The following G3BP2 variants were observed in gnomAD, a reference collection of about 807,000 sequenced individuals.
The protein encoded by G3BP2 is ras GTPase-activating protein-binding protein 2.
Under a neutral mutation model 56.7 loss-of-function variants are expected in G3BP2, and 11 were observed. That is an observed-to-expected ratio of 0.19 (90% CI 0.12 to 0.32). The LOEUF (loss-of-function observed/expected upper bound fraction) is 0.32, where lower values mean the gene tolerates loss of function less well. Among genes scored for constraint, G3BP2 ranks in the 10% least tolerant of loss-of-function variants. The probability of loss-of-function intolerance (pLI) is 1.00; values close to 1 mark genes in which losing one functional copy is unlikely to be tolerated. For missense variants in G3BP2, 340 were observed against 610.9 expected (o/e 0.56, Z 4.67); for synonymous variants, 165 against 191.6 (o/e 0.86, Z 1.15).
At chr4:75,655,025 A>G in intron 7 of G3BP2, 41 bp downstream of exon 7, 2 of 1,370,636 alleles carry the variant, frequency 1.5e-6, no homozygotes, top group Non-Finnish European at 2.0e-6. Context: ...ACCAAATTTG[A>G]ACATGTGATG....
At chr4:75,697,942 A>AAAC (rs1327021450) in intron 3 of G3BP2, among the ~76,000 whole-genome samples, 1 of 151,822 alleles carries the variant, frequency 6.6e-6, no homozygotes, top group Non-Finnish European at 1.5e-5. Context: ...TCAAACAAAC[A>AAAC]AACAAAAAAC....
chr4:75,653,394 T>C (rs1253249518), intron 8 of G3BP2, among the ~76,000 whole-genome samples: 2 of 152,112 alleles, frequency 1.3e-5, no homozygotes, highest in Non-Finnish European at 2.9e-5. Flanking sequence ...CAGTGTCTTA[T>C]TTTCACATTT....
At chr4:75,684,127 C>T (rs1384335149) in intron 3 of G3BP2, among the ~76,000 whole-genome samples, 1 of 152,038 alleles carries the variant, frequency 6.6e-6, no homozygotes. Flanking sequence ...ATAAATAGGC[C>T]GGGTGCGGTG....
chr4:75,708,694 G>C (rs573861318), intron 3 of G3BP2, among the ~76,000 whole-genome samples: 1 of 152,326 alleles, frequency 6.6e-6, no homozygotes, highest in East Asian at 1.9e-4. Context: ...GTTTGGGCTG[G>C]GCATGGTGGC....
chr4:75,720,269 C>T lies in G3BP2; in HGVS notation c.-25+608G>A, dbSNP rs1239928900. 2.0e-5 allele frequency among the ~76,000 whole-genome samples: 3 copies of T among 149,144 alleles called. No homozygotes were observed. The East Asian group carries it at 6.1e-4, about 30-fold the overall frequency. On this transcript the variant is annotated intron_variant, in intron 3 of 3. Transcript: ENST00000499709. ...GTGGCTCATGCCTGTAATCCCAGCA[C>T]TCTGGGAGGCCGAGGCGGGCGGATC...
chr4:75,669,637 T>C (rs569380543), intron 1 of G3BP2, among the ~76,000 whole-genome samples: 34 of 152,346 alleles, frequency 2.2e-4, no homozygotes, highest in African/African-American at 7.9e-4. Context: ...TCAAATTCTA[T>C]ACAAATATTT....
At chr4:75,715,302 GA>G (rs5859472) in intron 3 of G3BP2, among the ~76,000 whole-genome samples, 4 of 151,318 alleles carry the variant, frequency 2.6e-5, no homozygotes, top group East Asian at 1.9e-4. Context: ...AGTACTGAAG[GA>G]AAAAAAAACT....
chr4:75,674,718 AT>A (rs71203842), upstream of G3BP2, among the ~76,000 whole-genome samples: 1,165 of 71,208 alleles, frequency 0.016, 9 homozygotes, highest in Middle Eastern at 0.048. Context: ...ATATATATAT[AT>A]TTTTTTTTTT....
rs192494688 is a variant in G3BP2, at chr4:75,656,067, T to G, written c.443-197A>C. The stretch of plus-strand genomic sequence containing the variant: ...GTGCAGTGGTGTGATCTTGGCTCAC[T>G]GCAACCTCCGCCTTCTGGGTTCAAA... On this transcript the variant is annotated intron_variant, in intron 5 of 11. Transcript: ENST00000359707. 6.3e-4 allele frequency among the ~76,000 whole-genome samples: 95 copies of G among 151,692 alleles called. 1 individual carries two copies. The Middle Eastern group carries it at 0.024, about 38-fold the overall frequency.
At chr4:75,714,392 C>T (rs572662244) in intron 3 of G3BP2, among the ~76,000 whole-genome samples, 3 of 152,234 alleles carry the variant, frequency 2.0e-5, no homozygotes, top group East Asian at 1.9e-4. Flanking sequence ...TTTGGAAGGC[C>T]GGGGCGGGCA....
In G3BP2 at chr4:75,655,863, T is replaced by A. The variant is rs772089002; in HGVS notation, c.450A>T (p.Glu150Asp). ...DSEPELDEES[E>D]DEVEEEQEER... ...CTTCTTGTTCCTCTTCTACTTCATC[T>A]TCTGATTCTGAAAATACATAATACA... Residue 150 changes from glutamate (E) to aspartate (D), a missense_variant, in exon 6 of 12, where the codon GAA becomes GAT. Coordinates refer to ENST00000359707, the MANE Select transcript of G3BP2 (RefSeq NM_203505.3). 4.6e-5 allele frequency: 70 copies of A among 1,516,436 alleles called. No homozygotes were observed. Among genetic ancestry groups the A allele is most frequent in the African/African-American group, 1.1e-4 (8 of 73,024 alleles). The allele number at this position is 1,516,436 out of a possible 1,614,324, so 93.9% of individuals were successfully genotyped here. A position where few individuals can be genotyped will look rare whatever the true frequency, so the allele number is the denominator to read the frequency against.
Position 75,662,880 on chromosome 4 carries a change from G to C in G3BP2, c.-24-831C>G, listed in dbSNP as rs77045674. On this transcript the variant is annotated intron_variant, in intron 1 of 11. Coordinates refer to ENST00000359707, the MANE Select transcript of G3BP2 (RefSeq NM_203505.3). ...CAGAGGGCCCAAGTTAAGACTCAGAGATAACACTCATGGCAAAGCACCATG... is the reference window on the plus strand; with the variant it reads ...CAGAGGGCCCAAGTTAAGACTCAGACATAACACTCATGGCAAAGCACCATG... 2.4e-3 allele frequency among the ~76,000 whole-genome samples: 367 copies of C among 152,302 alleles called. 2 individuals are homozygous for C. Among genetic ancestry groups the C allele is most frequent in the African/African-American group, 8.6e-3 (356 of 41,560 alleles).
chr4:75,664,919 G>A (rs934313650), intron 1 of G3BP2, among the ~76,000 whole-genome samples: 3 of 151,848 alleles, frequency 2.0e-5, no homozygotes, highest in African/African-American at 7.3e-5. Context: ...CACTTTGGGA[G>A]GTGGAGGTGG....
At chr4:75,647,569 T>G (rs766950510) in intron 9 of G3BP2, among the ~76,000 whole-genome samples, 11 of 152,218 alleles carry the variant, frequency 7.2e-5, no homozygotes, top group Non-Finnish European at 1.6e-4. Context: ...ATCAGTAAAT[T>G]TTAACAGCAA....
intron 3 of G3BP2, among the ~76,000 whole-genome samples, chr4:75,701,280 A>G (rs1719333866): frequency 6.6e-6 from 1 of 152,026 alleles, no homozygotes; most frequent in Non-Finnish European, 1.5e-5. Context: ...CTGCATTTAT[A>G]TTTGTTTTAT....
rs1732217002 is a variant in G3BP2 at position 75,657,692 on chromosome 4, T to C, written c.216A>G (p.Glu72=). 6.2e-7 allele frequency: 1 copy of C among 1,612,408 alleles called. No homozygotes were observed. The highest frequency in any genetic ancestry group is 1.7e-5 in the Admixed American group (1 of 59,936). ...CCACATGACGAATTTTAGTATGACATTCACTGAAGTTCAGAGATAATACTT... is the reference window on the plus strand; with the variant it reads ...CCACATGACGAATTTTAGTATGACACTCACTGAAGTTCAGAGATAATACTT... ...HHKVLSLNFS[E]CHTKIRHVDA... The change falls in exon 4 of 12, where the codon GAA becomes GAG. Residue 72 remains glutamate (E), a synonymous_variant. Coordinates refer to ENST00000359707, the MANE Select transcript of G3BP2 (RefSeq NM_203505.3).
chr4:75,714,245 A>G (rs761666537), intron 3 of G3BP2, among the ~76,000 whole-genome samples: 5 of 152,228 alleles, frequency 3.3e-5, no homozygotes, highest in Non-Finnish European at 5.9e-5. Flanking sequence ...GTCTTTAGTA[A>G]TTAGACACTG....
chr4:75,662,155 C>A lies in G3BP2; in HGVS notation c.-24-106G>T, dbSNP rs1042019320. The A allele has an allele frequency of 2.2e-5, 14 of 632,248 alleles. No homozygotes were observed. The African/African-American group carries it at 2.6e-4, about 12-fold the overall frequency. 39.2% of individuals were successfully genotyped at this position (632,248 alleles called of 1,614,324 possible). A position where few individuals can be genotyped will look rare whatever the true frequency, so the allele number is the denominator to read the frequency against. ...AAATTTAGCAGTGGGGAGTTGTATA[C>A]CAATTTTAGTGACACTAATGTTAAT... On this transcript the variant is annotated intron_variant, in intron 1 of 11. Transcript: ENST00000359707.
intron 1 of G3BP2, chr4:75,672,671 G>C (rs560907285): frequency 1.3e-5 from 2 of 152,250 alleles, no homozygotes; most frequent in African/African-American, 4.8e-5. Flanking sequence ...CGCCACTTTC[G>C]CATCTGCGTC....
Sources: gnomAD v4.1 joint callset for allele counts (sites outside exome capture counted in the v4.1 genomes callset) on GRCh38, gnomAD v4.1.1 for gene constraint, MANE v1.5 for transcripts, NCBI Gene and HGNC (gene_info 2026-07-23, HGNC 2026-07-21) for gene names.